The following MBD5 variants were observed in gnomAD, a reference collection of about 807,000 sequenced individuals.
MBD5 encodes methyl-CpG-binding domain protein 5.
A neutral mutation model predicts 117.3 loss-of-function variants in MBD5; 13 were observed. The observed-to-expected ratio is 0.11, with a 90% confidence interval of 0.07 to 0.18. The LOEUF (loss-of-function observed/expected upper bound fraction) is 0.18, where lower values mean the gene tolerates loss of function less well. Among genes scored for constraint, MBD5 ranks in the 10% least tolerant of loss-of-function variants. MBD5 has a pLI of 1.00. For missense variants in MBD5, 1,879 were observed against 2,093.8 expected (o/e 0.90, Z 2.00); for synonymous variants, 727 against 766.4 (o/e 0.95, Z 0.85).
At chr2:148,268,601 T>G (rs907242975) in intron 3 of MBD5, among the ~76,000 whole-genome samples, 1 of 151,646 alleles carries the variant, frequency 6.6e-6, no homozygotes, top group Admixed American at 6.6e-5. Flanking sequence ...CATGTTCTTA[T>G]CTGGTTGTGT....
chr2:148,382,006 G>A (rs148900165), intron 4 of MBD5, among the ~76,000 whole-genome samples: 1 of 152,164 alleles, frequency 6.6e-6, no homozygotes, highest in South Asian at 2.1e-4. Context: ...GCAAAAACAT[G>A]CCAAAGTGTA....
At chr2:148,047,598 A>T (rs1364760823) in intron 1 of MBD5, among the ~76,000 whole-genome samples, 4 of 152,246 alleles carry the variant, frequency 2.6e-5, no homozygotes, top group African/African-American at 7.2e-5. Context: ...CTAGGGGTAC[A>T]AAGATGAATA....
At chr2:148,343,075 G>A (rs1702991831) in intron 4 of MBD5, among the ~76,000 whole-genome samples, 1 of 152,044 alleles carries the variant, frequency 6.6e-6, no homozygotes, top group Admixed American at 6.6e-5. Flanking sequence ...ATGGCCTCCA[G>A]CTACATCATG....
chr2:148,512,870 G>C lies in MBD5; in HGVS notation c.5113G>C (p.Val1705Leu). Reference sequence around the variant, plus strand: ...TTTTTTTCTACCTTTTTATTTCCAGGTACACCAAATCCCACAGGGTGACAG... The same window carrying C: ...TTTTTTTCTACCTTTTTATTTCCAGCTACACCAAATCCCACAGGGTGACAG... Reference protein sequence around the residue: ...MSELDKMSGTVHQIPQGDRQM... With the variant: ...MSELDKMSGTLHQIPQGDRQM... The change falls in exon 14 of 14, where the codon GTA (valine) becomes CTA (leucine). Residue 1705 changes from valine to leucine, a missense_variant and splice_region_variant. Val to Leu is a conservative substitution (Grantham distance 32, BLOSUM62 1). Transcript: ENST00000642680. 6.2e-7 allele frequency: 1 copy of C among 1,613,134 alleles called. No individual in the cohort carries two copies. The highest frequency in any genetic ancestry group is 8.5e-7 in the Non-Finnish European group (1 of 1,179,494).
chr2:148,455,455 T>TA (rs1286143902), intron 4 of MBD5, among the ~76,000 whole-genome samples: 2 of 152,108 alleles, frequency 1.3e-5, no homozygotes, highest in Non-Finnish European at 2.9e-5. Flanking sequence ...AGAGGTTTAC[T>TA]AAAAAATAGA....
At chr2:148,288,484 T>C (rs1701420486) in intron 3 of MBD5, among the ~76,000 whole-genome samples, 1 of 150,846 alleles carries the variant, frequency 6.6e-6, no homozygotes, top group South Asian at 2.1e-4. Flanking sequence ...TCAGTGTTGA[T>C]AGTGACATTT....
chr2:148,238,278 A>G (rs1700133919), intron 3 of MBD5, among the ~76,000 whole-genome samples: 1 of 152,214 alleles, frequency 6.6e-6, no homozygotes, highest in Non-Finnish European at 1.5e-5. Context: ...ATTAGAAAAC[A>G]TTATACCAAT....
intron 4 of MBD5, among the ~76,000 whole-genome samples, chr2:148,352,974 G>A (rs542015806): frequency 2.0e-4 from 31 of 152,074 alleles, no homozygotes; most frequent in Non-Finnish European, 1.5e-5. Context: ...TCTGGAGAAA[G>A]CATATGTAAA....
intron 3 of MBD5, among the ~76,000 whole-genome samples, chr2:148,304,869 C>T: frequency 6.6e-6 from 1 of 151,824 alleles, no homozygotes; most frequent in Non-Finnish European, 1.5e-5. Flanking sequence ...GAGACCATCC[C>T]GGCTAAAAAA....
At chr2:148,031,162 CAT>C (rs1558894295) in intron 1 of MBD5, among the ~76,000 whole-genome samples, 1 of 152,066 alleles carries the variant, frequency 6.6e-6, no homozygotes, top group African/African-American at 2.4e-5. Flanking sequence ...ATAGTATAAT[CAT>C]GTAATATTTT....
chr2:148,080,010 G>C (rs1252950757), intron 1 of MBD5, among the ~76,000 whole-genome samples: 3 of 152,050 alleles, frequency 2.0e-5, no homozygotes, highest in African/African-American at 7.2e-5. Context: ...TCTCTATCAG[G>C]TAAAGACATT....
chr2:148,230,818 C>T (rs534323045), intron 2 of MBD5, among the ~76,000 whole-genome samples: 1 of 152,224 alleles, frequency 6.6e-6, no homozygotes, highest in Admixed American at 6.5e-5. Flanking sequence ...TGCCTTGTTG[C>T]CCAGGGTGTG....
chr2:148,149,475 A>C (rs1697576707), intron 1 of MBD5, among the ~76,000 whole-genome samples: 1 of 148,264 alleles, frequency 6.7e-6, no homozygotes, highest in African/African-American at 2.5e-5. Flanking sequence ...TGGCTGGGTC[A>C]AATGGTATTT....
chr2:148,498,269 C>A (rs11887491), intron 11 of MBD5, among the ~76,000 whole-genome samples: 5,071 of 152,282 alleles, frequency 0.033, 298 homozygotes, highest in African/African-American at 0.11. Context: ...GAGGTGTTAT[C>A]AAGATTAAAG....
At chr2:148,300,972 A>C (rs957488443) in intron 3 of MBD5, among the ~76,000 whole-genome samples, 3 of 152,208 alleles carry the variant, frequency 2.0e-5, no homozygotes, top group Admixed American at 6.5e-5. Context: ...GGTAACTTCC[A>C]AAGCTGTTTC....
intron 1 of MBD5, among the ~76,000 whole-genome samples, chr2:148,172,033 G>T (rs901338544): frequency 6.6e-6 from 1 of 152,230 alleles, no homozygotes; most frequent in African/African-American, 2.4e-5. Context: ...AGTTAGCCAG[G>T]TGCAGTGGCA....
intron 1 of MBD5, among the ~76,000 whole-genome samples, chr2:148,079,880 A>ACAACAACAACAACAACAACAG (rs1695604445): frequency 1.9e-5 from 1 of 52,192 alleles, no homozygotes; most frequent in African/African-American, 5.7e-5. Context: ...AACAACAACA[A>ACAACAACAACAACAACAACAG]CAACAACAAC....
chr2:148,287,445 C>G (rs753476355), intron 3 of MBD5, among the ~76,000 whole-genome samples: 1 of 152,052 alleles, frequency 6.6e-6, no homozygotes, highest in Non-Finnish European at 1.5e-5. Flanking sequence ...TAGTGAGTGA[C>G]GGATGTATCA....
chr2:148,418,585 C>T (rs139413103), intron 4 of MBD5, among the ~76,000 whole-genome samples: 91 of 152,146 alleles, frequency 6.0e-4, no homozygotes, highest in African/African-American at 2.0e-3. Flanking sequence ...CAAAAACAAC[C>T]AAGCTGAGGA....
Sources: gnomAD v4.1 joint callset for allele counts (sites outside exome capture counted in the v4.1 genomes callset) on GRCh38, gnomAD v4.1.1 for gene constraint, MANE v1.5 for transcripts, NCBI Gene and HGNC (gene_info 2026-07-23, HGNC 2026-07-21) for gene names.